The following KLF12 variants were observed in gnomAD, a reference collection of about 807,000 sequenced individuals.
KLF12 encodes the protein KLF transcription factor 12.
A neutral mutation model predicts 37.8 loss-of-function variants in KLF12; 9 were observed. The ratio of observed to expected loss-of-function variants is 0.24; its 90% CI spans 0.14 to 0.42. The LOEUF (loss-of-function observed/expected upper bound fraction) is 0.42. KLF12 is among the 10% of genes least tolerant of loss of function. The pLI is 1.00. For missense variants in KLF12, 411 were observed against 516.0 expected, an observed-to-expected ratio of 0.80 and a Z score of 1.97; for synonymous variants, 208 against 202.1, an observed-to-expected ratio of 1.03 and a Z score of -0.25.
At chr13:74,064,451 G>T (rs1469532989) in intron 1 of KLF12, among the ~76,000 whole-genome samples, 1 of 152,126 alleles carries the variant, frequency 6.6e-6, no homozygotes, top group Non-Finnish European at 1.5e-5. Flanking sequence ...TGAGACATGG[G>T]TGGCTGCAAT....
At chr13:74,006,670 TG>T (rs1566501523) in intron 1 of KLF12, among the ~76,000 whole-genome samples, 2 of 152,206 alleles carry the variant, frequency 1.3e-5, no homozygotes, top group South Asian at 4.1e-4. Context: ...CTCAATGAAC[TG>T]CTTTCCCCTT....
intron 5 of KLF12, among the ~76,000 whole-genome samples, chr13:73,808,328 G>T (rs771118212): frequency 2.6e-5 from 4 of 152,140 alleles, no homozygotes; most frequent in Non-Finnish European, 5.9e-5. Context: ...CCGACTGTGG[G>T]TCTCTTGGTG....
intron 6 of KLF12, among the ~76,000 whole-genome samples, chr13:73,735,244 G>T (rs1001932135): frequency 6.6e-6 from 1 of 152,018 alleles, no homozygotes; most frequent in African/African-American, 2.4e-5. Context: ...GCTGCAGTGA[G>T]CTATGATTGT....
At chr13:74,210,727 T>C in the KLF12 span, among the ~76,000 whole-genome samples, 5 of 149,680 alleles carry the variant, frequency 3.3e-5, no homozygotes, top group Non-Finnish European at 7.5e-5. Context: ...ATTAAGTCAG[T>C]ACTTCAGACA....
chr13:74,167,166 T>C, the KLF12 span, among the ~76,000 whole-genome samples: 1 of 152,244 alleles, frequency 6.6e-6, no homozygotes, highest in Non-Finnish European at 1.5e-5. Context: ...ATTCTTTGCC[T>C]CTTTATCTGT....
intron 1 of KLF12, among the ~76,000 whole-genome samples, chr13:74,065,774 C>A (rs543217067): frequency 6.6e-6 from 1 of 152,036 alleles, no homozygotes; most frequent in Non-Finnish European, 1.5e-5. Context: ...ACCTGAGGAA[C>A]ATCCTCCCCT....
chr13:73,781,286 C>A (rs11843949), intron 5 of KLF12, among the ~76,000 whole-genome samples: 1 of 152,190 alleles, frequency 6.6e-6, no homozygotes. Context: ...CACTGGGAAA[C>A]CAAAAATTTG....
Position 73,895,183 on chromosome 13 carries a change from AT to A in KLF12, c.123+48797del, listed in dbSNP as rs1455014047. ...AAGTTGCTTTTTTGCTGCCAAATCT[AT>A]GTTTTTAATTCAGTTTCTAGATTCA... On this transcript the variant is annotated intron_variant, in intron 3 of 7. Transcript: ENST00000377669. Among the ~76,000 whole-genome samples, 4 of 152,160 alleles carry A rather than the reference AT, an allele frequency of 2.6e-5. No individual in the cohort carries two copies. In the East Asian group the frequency reaches 7.7e-4, roughly 29 times the overall value.
intron 6 of KLF12, among the ~76,000 whole-genome samples, chr13:73,719,874 C>T (rs1457446722): frequency 1.3e-5 from 2 of 152,144 alleles, no homozygotes; most frequent in Non-Finnish European, 2.9e-5. Context: ...GCTGGGATTA[C>T]AGACATAAAC....
the KLF12 span, among the ~76,000 whole-genome samples, chr13:74,303,566 A>G: frequency 6.6e-6 from 1 of 152,136 alleles, no homozygotes; most frequent in African/African-American, 2.4e-5. Context: ...ATGAAAATAT[A>G]CTTTTTTTGA....
chr13:74,118,790 G>T (rs1877457515), intron 1 of KLF12, among the ~76,000 whole-genome samples: 1 of 152,082 alleles, frequency 6.6e-6, no homozygotes, highest in East Asian at 1.9e-4. Context: ...AAGATAGGAA[G>T]CTGCACATGC....
chr13:74,200,794 G>A, the KLF12 span, among the ~76,000 whole-genome samples: 8 of 151,882 alleles, frequency 5.3e-5, no homozygotes, highest in East Asian at 1.9e-4. Flanking sequence ...TGAGCGAATG[G>A]CCCTTTCTCT....
intron 1 of KLF12, among the ~76,000 whole-genome samples, chr13:74,132,134 G>C (rs1473126234): frequency 6.6e-6 from 1 of 152,078 alleles, no homozygotes; most frequent in Non-Finnish European, 1.5e-5. Context: ...TTGAGGGAGG[G>C]GGGGTCCACT....
chr13:74,100,438 C>T (rs1248554800), intron 1 of KLF12, among the ~76,000 whole-genome samples: 2 of 152,030 alleles, frequency 1.3e-5, no homozygotes, highest in Admixed American at 6.6e-5. Context: ...GCCAACATGG[C>T]AAAACCCCAT....
chr13:74,033,638 T>C (rs1055801369), intron 1 of KLF12, among the ~76,000 whole-genome samples: 2 of 152,230 alleles, frequency 1.3e-5, no homozygotes, highest in African/African-American at 2.4e-5. Flanking sequence ...TTGTTTTGAA[T>C]GGCAGCTTAG....
the KLF12 span, among the ~76,000 whole-genome samples, chr13:74,287,703 C>T: frequency 5.3e-5 from 8 of 152,274 alleles, no homozygotes; most frequent in South Asian, 1.7e-3. Flanking sequence ...TTATTTCCTT[C>T]ATATTCACCA....
the KLF12 span, among the ~76,000 whole-genome samples, chr13:74,228,958 T>G: frequency 1.3e-5 from 2 of 151,846 alleles, no homozygotes; most frequent in Non-Finnish European, 2.9e-5. Context: ...ACCATTGGAA[T>G]CTACATCACC....
At chr13:74,109,550 A>G (rs577977493) in intron 1 of KLF12, among the ~76,000 whole-genome samples, 6 of 152,344 alleles carry the variant, frequency 3.9e-5, no homozygotes, top group African/African-American at 1.2e-4. Context: ...TTCCTCATGT[A>G]TTAGTTAAAA....
chr13:74,048,362 A>T (rs1010443702), intron 1 of KLF12, among the ~76,000 whole-genome samples: 8 of 152,186 alleles, frequency 5.3e-5, no homozygotes, highest in Non-Finnish European at 1.0e-4. Flanking sequence ...GGGTTTCTGT[A>T]ACTTCCAATA....
Sources: allele counts gnomAD v4.1 joint callset (sites outside exome capture counted in the v4.1 genomes callset), GRCh38; gene constraint gnomAD v4.1.1; transcripts MANE v1.5; gene names NCBI Gene and HGNC (gene_info 2026-07-23, HGNC 2026-07-21).